Variants in NEK11 observed in about 807,000 individuals in gnomAD.
NEK11 encodes NIMA related kinase 11.
A neutral mutation model predicts 80.7 loss-of-function variants in NEK11; 72 were observed. The ratio of observed to expected loss-of-function variants is 0.89; its 90% CI spans 0.74 to 1.08. NEK11 has a LOEUF of 1.08. NEK11 is among the 50% of genes least tolerant of loss of function. NEK11 has a pLI of 0.00. For missense variants in NEK11, 764 were observed against 763.6 expected (o/e 1.00, Z -0.01); for synonymous variants, 251 against 260.7 (o/e 0.96, Z 0.36).
At chr3:131,078,076 C>G (rs1416534586) in intron 3 of NEK11, among the ~76,000 whole-genome samples, 1 of 152,180 alleles carries the variant, frequency 6.6e-6, no homozygotes, top group East Asian at 1.9e-4. Context: ...TGTGAGGTTC[C>G]TGAGGCAGAG....
At chr3:131,223,255 C>A in intron 14 of NEK11, among the ~76,000 whole-genome samples, 1 of 152,074 alleles carries the variant, frequency 6.6e-6, no homozygotes, top group East Asian at 1.9e-4. Context: ...TTTGACTTTT[C>A]CCTTTGAAAA....
At chr3:131,125,666 T>G (rs1166290828) in intron 5 of NEK11, among the ~76,000 whole-genome samples, 1 of 152,206 alleles carries the variant, frequency 6.6e-6, no homozygotes, top group African/African-American at 2.4e-5. Context: ...TCTGTCACAT[T>G]ATGTAGTACA....
At chr3:131,192,658 T>C (rs939798415) in intron 14 of NEK11, among the ~76,000 whole-genome samples, 1 of 152,144 alleles carries the variant, frequency 6.6e-6, no homozygotes, top group African/African-American at 2.4e-5. Flanking sequence ...TTGAAGACAT[T>C]ATGCTACATG....
chr3:131,346,148 ATATTG>A (rs1223454228), intron 17 of NEK11, among the ~76,000 whole-genome samples: 23 of 152,058 alleles, frequency 1.5e-4, no homozygotes, highest in African/African-American at 5.3e-4. Context: ...TAATAAAATT[ATATTG>A]TATTGGGAAT....
chr3:131,283,939 G>C (rs1355006618), intron 17 of NEK11, among the ~76,000 whole-genome samples: 2 of 152,204 alleles, frequency 1.3e-5, no homozygotes, highest in Non-Finnish European at 2.9e-5. Context: ...TTACTCAGCT[G>C]TCTCAAGGCC....
At chr3:131,325,345 C>A (rs541864856) in intron 17 of NEK11, 30 of 133,270 alleles carry the variant, frequency 2.3e-4, no homozygotes, top group African/African-American at 8.8e-4. Flanking sequence ...TACTACTACT[C>A]ATTTCTAAGG....
chr3:131,097,468 C>T (rs2077620105), intron 4 of NEK11, among the ~76,000 whole-genome samples: 1 of 152,070 alleles, frequency 6.6e-6, no homozygotes, highest in South Asian at 2.1e-4. Flanking sequence ...TTTTGATTTG[C>T]ATTTCTCTAA....
chr3:131,343,379 A>C (rs2097314450), intron 17 of NEK11, among the ~76,000 whole-genome samples: 1 of 152,188 alleles, frequency 6.6e-6, no homozygotes, highest in African/African-American at 2.4e-5. Context: ...ACAGAAGAGG[A>C]GGCCAAGTAT....
chr3:131,337,462 T>C (rs1344627455), intron 17 of NEK11, among the ~76,000 whole-genome samples: 6 of 150,630 alleles, frequency 4.0e-5, no homozygotes, highest in Non-Finnish European at 5.9e-5. Flanking sequence ...CTGGGGACTG[T>C]TGTGGGGTGG....
intron 14 of NEK11, among the ~76,000 whole-genome samples, chr3:131,191,890 A>G (rs989534074): frequency 6.6e-6 from 1 of 152,144 alleles, no homozygotes; most frequent in Non-Finnish European, 1.5e-5. Flanking sequence ...TATGACAGTA[A>G]TTTATTGATA....
chr3:131,273,459 G>T lies in NEK11; in HGVS notation c.1622-19G>T, dbSNP rs1406986345. 1 of 1,596,610 alleles carries T rather than the reference G, an allele frequency of 6.3e-7. No individual in the cohort carries two copies. The highest frequency in any genetic ancestry group is 1.7e-5 in the Admixed American group (1 of 59,940). ...AGGATTGCTGATGAAGTCAATAAGG[G>T]CTGTGCATTGATTTTCAGACACAAA... On this transcript the variant is annotated intron_variant, in intron 16 of 17. Transcript: ENST00000383366.
intron 14 of NEK11, among the ~76,000 whole-genome samples, chr3:131,184,538 G>A (rs566701379): frequency 6.6e-5 from 10 of 152,212 alleles, no homozygotes; most frequent in African/African-American, 2.4e-4. Context: ...ACTAAACCTA[G>A]GGAAAAATCC....
Position 131,349,938 on chromosome 3 carries a change from A to T in NEK11, c.*162A>T, listed in dbSNP as rs978593435. 1.6e-6 allele frequency: 1 copy of T among 614,228 alleles called. No homozygotes were observed. Among genetic ancestry groups the T allele is most frequent in the Non-Finnish European group, 2.9e-6 (1 of 350,218 alleles). 38.0% of individuals were successfully genotyped at this position (614,228 alleles called of 1,614,324 possible). A position where few individuals can be genotyped will look rare whatever the true frequency, so the allele number is the denominator to read the frequency against. On this transcript the variant is annotated 3_prime_UTR_variant, in exon 18 of 18. Coordinates refer to ENST00000383366, the MANE Select transcript of NEK11 (RefSeq NM_024800.5). ...GTACTGGCTTCTTTAGAGAGTAGTA[A>T]GCATGGCTGCCTATGCTTGGAGTCA...
chr3:131,208,386 A>G lies in NEK11; in HGVS notation c.1400-20142A>G, dbSNP rs183240577. On this transcript the variant is annotated intron_variant, in intron 14 of 17. Coordinates refer to ENST00000383366, the MANE Select transcript of NEK11 (RefSeq NM_024800.5). The stretch of plus-strand genomic sequence containing the variant: ...CTGTAGCCTTGTATTATAGTTTGAA[A>G]TCTGGTAGCATGATGCCTCCAGCTT... 8.7e-3 allele frequency among the ~76,000 whole-genome samples: 1,318 copies of G among 152,198 alleles called. 62 individuals carry two copies. The highest frequency in any genetic ancestry group is 0.081 in the Admixed American group (1,231 of 15,278).
intron 5 of NEK11, among the ~76,000 whole-genome samples, chr3:131,119,318 C>T (rs1217717675): frequency 2.0e-5 from 3 of 152,180 alleles, no homozygotes; most frequent in Non-Finnish European, 4.4e-5. Flanking sequence ...AGTTTGATTG[C>T]ACGGTGGTCT....
chr3:131,043,916 T>C (rs112217046), intron 3 of NEK11, among the ~76,000 whole-genome samples: 9 of 152,302 alleles, frequency 5.9e-5, no homozygotes, highest in African/African-American at 1.9e-4. Flanking sequence ...AACAGACCTC[T>C]CTGCAGAAAC....
chr3:131,245,301 T>TTGTGTGTGTGTGTGTGTGTGTGTGTGTG (rs4044352), intron 16 of NEK11, among the ~76,000 whole-genome samples: 28 of 140,734 alleles, frequency 2.0e-4, no homozygotes, highest in African/African-American at 7.7e-4. Context: ...TAGTATTCCA[T>TTGTGTGTGTGTGTGTGTGTGTGTGTGTG]TGTGTGTGTG....
At chr3:131,083,360 A>G (rs988618609) in intron 4 of NEK11, among the ~76,000 whole-genome samples, 1 of 152,166 alleles carries the variant, frequency 6.6e-6, no homozygotes, top group African/African-American at 2.4e-5. Context: ...TGCCATGGTG[A>G]TGGCTGCTGG....
At chr3:131,303,473 T>C (rs2096685151) in intron 17 of NEK11, among the ~76,000 whole-genome samples, 1 of 152,208 alleles carries the variant, frequency 6.6e-6, no homozygotes, top group African/African-American at 2.4e-5. Flanking sequence ...TAACTGTCTT[T>C]CCTTTTCATA....
Sources: gnomAD v4.1 joint callset for allele counts (sites outside exome capture counted in the v4.1 genomes callset) on GRCh38, gnomAD v4.1.1 for gene constraint, MANE v1.5 for transcripts, NCBI Gene and HGNC (gene_info 2026-07-23, HGNC 2026-07-21) for gene names.